Variants in TMEM170B observed in about 807,000 individuals in gnomAD.
The protein encoded by TMEM170B is transmembrane protein 170B.
A neutral mutation model predicts 13.0 loss-of-function variants in TMEM170B; 6 were observed. The ratio of observed to expected loss-of-function variants is 0.46; its 90% CI spans 0.25 to 0.91. The LOEUF (loss-of-function observed/expected upper bound fraction) is 0.91. Ranked by LOEUF, TMEM170B falls within the 40% of genes least tolerant of loss-of-function variation. TMEM170B has a pLI of 0.17. For synonymous variants in TMEM170B, 61 were observed against 64.9 expected, an observed-to-expected ratio of 0.94 and a Z score of 0.29; for missense variants, 138 against 165.2, an observed-to-expected ratio of 0.84 and a Z score of 0.90.
chr6:11,540,371 C>T (rs1188462295), intron 1 of TMEM170B, among the ~76,000 whole-genome samples: 2 of 152,198 alleles, frequency 1.3e-5, no homozygotes, highest in Non-Finnish European at 2.9e-5. Context: ...TAGTCTAAAT[C>T]CTTTGTTGTC....
chr6:11,548,997 A>G (rs1241040390), intron 1 of TMEM170B, among the ~76,000 whole-genome samples: 3 of 152,222 alleles, frequency 2.0e-5, no homozygotes, highest in Non-Finnish European at 4.4e-5. Flanking sequence ...TGGGTGCAGC[A>G]TACCAACATG....
At chr6:11,568,792 A>G (rs989277125) in intron 2 of TMEM170B, among the ~76,000 whole-genome samples, 5 of 152,316 alleles carry the variant, frequency 3.3e-5, no homozygotes, top group African/African-American at 1.2e-4. Context: ...TCATAGCTGT[A>G]TCTTCAGTTC....
chr6:11,543,515 T>C (rs896201466), intron 1 of TMEM170B, among the ~76,000 whole-genome samples: 1 of 152,204 alleles, frequency 6.6e-6, no homozygotes, highest in Non-Finnish European at 1.5e-5. Flanking sequence ...ATTGTTCTTA[T>C]TTTACAGATT....
chr6:11,555,873 AAGGCCGGGCGCGG>A lies in TMEM170B; in HGVS notation c.98-9792_98-9780del, dbSNP rs1759581925. Among the ~76,000 whole-genome samples the A allele has an allele frequency of 5.2e-5, 2 of 38,320 alleles. 1 individual carries two copies. Among genetic ancestry groups the A allele is most frequent in the African/African-American group, 1.5e-4 (2 of 13,516 alleles). The allele number at this position is 38,320 out of a possible 152,430, so 25.1% of individuals were successfully genotyped here. On this transcript the variant is annotated intron_variant, in intron 1 of 2. Transcript: ENST00000379426. The stretch of plus-strand genomic sequence containing the variant: ...AAAGTCTCACTAAAGACTGAGGTAC[AAGGCCGGGCGCGG>A]TGGCTCACGCCTGTAATCCCAGCAC...
chr6:11,558,004 G>C (rs1268336890), intron 1 of TMEM170B, among the ~76,000 whole-genome samples: 1 of 152,056 alleles, frequency 6.6e-6, no homozygotes, highest in Non-Finnish European at 1.5e-5. Context: ...CAAACTGCTG[G>C]GCTCAAGCGA....
chr6:11,539,890 A>G (rs1221143352), intron 1 of TMEM170B, among the ~76,000 whole-genome samples: 1 of 152,254 alleles, frequency 6.6e-6, no homozygotes, highest in Non-Finnish European at 1.5e-5. Context: ...GTTTGGTTCC[A>G]GAACACCACA....
At chr6:11,561,370 C>T (rs1170766300) in intron 1 of TMEM170B, among the ~76,000 whole-genome samples, 1 of 152,078 alleles carries the variant, frequency 6.6e-6, no homozygotes, top group East Asian at 1.9e-4. Context: ...TTCACTTTAG[C>T]ATAGACAGTT....
At position 11,582,865 on chromosome 6, in the gene TMEM170B, A is replaced by G. The variant is rs1759975707; in HGVS notation, c.*7304A>G. On this transcript the variant is annotated 3_prime_UTR_variant, in exon 3 of 3. Transcript: ENST00000379426. ...ATTTCCCCTTCTGTTAAGACTATAA[A>G]CTATATGAGTATGTGTACTGCATGT... 2 of 152,324 alleles carry G rather than the reference A, an allele frequency of 1.3e-5. No individual in the cohort carries two copies. The highest frequency in any genetic ancestry group is 4.8e-5 in the African/African-American group (2 of 41,578). The allele number at this position is 152,324 out of a possible 1,614,324, so 9.4% of individuals were successfully genotyped here. A position where few individuals can be genotyped will look rare whatever the true frequency, so the allele number is the denominator to read the frequency against.
intron 1 of TMEM170B, among the ~76,000 whole-genome samples, chr6:11,541,752 T>C (rs1230886316): frequency 1.3e-5 from 2 of 152,212 alleles, no homozygotes; most frequent in Non-Finnish European, 2.9e-5. Context: ...CTTTATCATC[T>C]CTAGCACTTG....
chr6:11,544,597 C>T (rs926375535), intron 1 of TMEM170B, among the ~76,000 whole-genome samples: 2 of 152,296 alleles, frequency 1.3e-5, no homozygotes, highest in African/African-American at 4.8e-5. Context: ...GAACTCCTAC[C>T]AAGTTCAGCC....
At chr6:11,539,544 T>C (rs1037153834) in intron 1 of TMEM170B, among the ~76,000 whole-genome samples, 5 of 152,208 alleles carry the variant, frequency 3.3e-5, no homozygotes, top group Non-Finnish European at 5.9e-5. Flanking sequence ...TTAAGGACAC[T>C]GGTTTCTTCG....
At chr6:11,559,481 C>T (rs1759633038) in intron 1 of TMEM170B, among the ~76,000 whole-genome samples, 1 of 152,090 alleles carries the variant, frequency 6.6e-6, no homozygotes. Flanking sequence ...CTACTGTGCC[C>T]AGCTTCTTGA....
At chr6:11,569,016 G>A (rs1759767579) in intron 2 of TMEM170B, among the ~76,000 whole-genome samples, 1 of 152,112 alleles carries the variant, frequency 6.6e-6, no homozygotes, top group Non-Finnish European at 1.5e-5. Flanking sequence ...TGTAAAGTAA[G>A]TTCTCATTGT....
At chr6:11,544,538 T>C (rs1355122791) in intron 1 of TMEM170B, among the ~76,000 whole-genome samples, 1 of 152,206 alleles carries the variant, frequency 6.6e-6, no homozygotes, top group African/African-American at 2.4e-5. Context: ...TAAGTTGCCA[T>C]TGCCCTTGTA....
intron 1 of TMEM170B, among the ~76,000 whole-genome samples, chr6:11,543,615 G>A (rs1248324649): frequency 6.6e-6 from 1 of 152,118 alleles, no homozygotes; most frequent in African/African-American, 2.4e-5. Flanking sequence ...TAACACATAT[G>A]TTAACTCAGA....
At chr6:11,567,457 A>G (rs1374718722) in intron 2 of TMEM170B, among the ~76,000 whole-genome samples, 1 of 152,184 alleles carries the variant, frequency 6.6e-6, no homozygotes, top group African/African-American at 2.4e-5. Context: ...TTATGATGCA[A>G]GGGATTCCCT....
intron 2 of TMEM170B, among the ~76,000 whole-genome samples, chr6:11,574,385 G>A (rs922551390): frequency 1.3e-5 from 2 of 152,086 alleles, no homozygotes; most frequent in African/African-American, 4.8e-5. Context: ...AAGATTTTGA[G>A]TGAAGTACAA....
chr6:11,565,873 G>C, intron 2 of TMEM170B, 37 bp downstream of exon 2: 1 of 1,595,074 alleles, frequency 6.3e-7, no homozygotes. Flanking sequence ...ATGTAAGTTT[G>C]TATACACTTA....
intron 1 of TMEM170B, among the ~76,000 whole-genome samples, chr6:11,549,402 G>A (rs1226488649): frequency 6.6e-6 from 1 of 152,128 alleles, no homozygotes; most frequent in Non-Finnish European, 1.5e-5. Context: ...GGTGGCTCAC[G>A]CCTGTAATCC....
Sources: gnomAD v4.1 joint callset for allele counts (sites outside exome capture counted in the v4.1 genomes callset) on GRCh38, gnomAD v4.1.1 for gene constraint, MANE v1.5 for transcripts, NCBI Gene and HGNC (gene_info 2026-07-23, HGNC 2026-07-21) for gene names.